The following DPYD variants were observed in gnomAD, a reference collection of about 807,000 sequenced individuals.
DPYD encodes dihydropyrimidine dehydrogenase [NADP(+)].
Under a neutral mutation model 116.2 loss-of-function variants are expected in DPYD, and 109 were observed. The observed-to-expected ratio is 0.94, with a 90% confidence interval of 0.80 to 1.10. The LOEUF (loss-of-function observed/expected upper bound fraction) is 1.10. DPYD is among the 50% of genes least tolerant of loss of function. The pLI is 0.00. For missense variants in DPYD, 1,302 were observed against 1,254.5 expected (o/e 1.04, Z -0.57); for synonymous variants, 440 against 432.0 (o/e 1.02, Z -0.23).
chr1:97,458,478 C>T (rs1472707901), intron 13 of DPYD, among the ~76,000 whole-genome samples: 1 of 152,076 alleles, frequency 6.6e-6, no homozygotes, highest in Non-Finnish European at 1.5e-5. Flanking sequence ...GAAATAAGCA[C>T]GAAGCAGAGA....
chr1:97,893,787 G>A (rs996448920), intron 1 of DPYD, among the ~76,000 whole-genome samples: 1 of 151,422 alleles, frequency 6.6e-6, no homozygotes, highest in Non-Finnish European at 1.5e-5. Flanking sequence ...GAAGCTCTTC[G>A]TCTGTCTTTG....
At chr1:97,514,288 T>C (rs144275479) in intron 13 of DPYD, 17,792 of 951,158 alleles carry the variant, frequency 0.019, 194 homozygotes, top group South Asian at 0.027. Context: ...ATGTCTCTGA[T>C]TAATCAGAAT....
Position 97,699,425 on chromosome 1 carries a change from A to G in DPYD, c.606T>C (p.Cys202=), listed in dbSNP as rs773991224. 9.3e-6 allele frequency: 15 copies of G among 1,613,776 alleles called. No individual in the cohort carries two copies. The highest frequency in any genetic ancestry group is 1.2e-5 in the Non-Finnish European group (14 of 1,179,738). The change falls in exon 6 of 23, where the codon TGT becomes TGC. Residue 202 remains cysteine (C), a synonymous_variant. Coordinates refer to ENST00000370192, the MANE Select transcript of DPYD (RefSeq NM_000110.4). ...LFGAGPASIS[C]ASFLARLGYS... The stretch of plus-strand genomic sequence containing the variant: ...ACCCCAATCGAGCCAAAAAGGAAGC[A>G]CAACTTATACTTGCAGGCCCAGCAC...
At chr1:97,116,484 G>A (rs944981673) in intron 20 of DPYD, among the ~76,000 whole-genome samples, 100 of 151,896 alleles carry the variant, frequency 6.6e-4, no homozygotes, top group African/African-American at 2.2e-3. Flanking sequence ...ACCAGCCTGG[G>A]CAACATGGTG....
At chr1:97,311,034 A>C (rs968143001) in intron 16 of DPYD, among the ~76,000 whole-genome samples, 1 of 151,770 alleles carries the variant, frequency 6.6e-6, no homozygotes, top group African/African-American at 2.4e-5. Context: ...AAGAGGAAAA[A>C]CCATGAGTAT....
rs1348555270 is a variant in DPYD at position 97,483,213 on chromosome 1, A to G, written c.1740+32513T>C. Among the ~76,000 whole-genome samples the G allele has an allele frequency of 2.0e-5, 3 of 152,216 alleles. No homozygotes were observed. In the East Asian group the frequency reaches 5.8e-4, roughly 29 times the overall value. On this transcript the variant is annotated intron_variant, in intron 13 of 22. Transcript: ENST00000370192. ...AGACTGCCCTGAAGGTATACTGCATACCTCTTAGCCTCAAATTTCCTTTGC... is the reference window on the plus strand; with the variant it reads ...AGACTGCCCTGAAGGTATACTGCATGCCTCTTAGCCTCAAATTTCCTTTGC...
intron 10 of DPYD, among the ~76,000 whole-genome samples, chr1:97,576,580 A>G (rs1250211946): frequency 6.6e-6 from 1 of 152,220 alleles, no homozygotes; most frequent in Non-Finnish European, 1.5e-5. Context: ...AAAGATTATT[A>G]ATCACTGAAT....
chr1:97,822,276 T>C (rs567889787), intron 3 of DPYD, among the ~76,000 whole-genome samples: 3 of 149,004 alleles, frequency 2.0e-5, no homozygotes, highest in East Asian at 1.9e-4. Flanking sequence ...TTTAAATATA[T>C]GTAAATCTGT....
chr1:97,902,060 TGA>T (rs1217546629), intron 1 of DPYD, among the ~76,000 whole-genome samples: 5 of 151,850 alleles, frequency 3.3e-5, no homozygotes, highest in African/African-American at 1.2e-4. Context: ...TTCAGCTTAC[TGA>T]GTATGATGAC....
chr1:97,630,831 A>AT (rs1486511102), intron 8 of DPYD, among the ~76,000 whole-genome samples: 2 of 152,090 alleles, frequency 1.3e-5, no homozygotes, highest in Non-Finnish European at 2.9e-5. Flanking sequence ...TTTTGCTACT[A>AT]TTTTTTGATA....
intron 12 of DPYD, among the ~76,000 whole-genome samples, chr1:97,530,369 C>G (rs942009071): frequency 2.0e-5 from 3 of 151,916 alleles, no homozygotes; most frequent in Non-Finnish European, 4.4e-5. Context: ...AGGCGCCCAC[C>G]ACCACGCCAG....
chr1:97,406,780 T>C (rs1478976936), intron 14 of DPYD, among the ~76,000 whole-genome samples: 1 of 152,184 alleles, frequency 6.6e-6, no homozygotes, highest in African/African-American at 2.4e-5. Flanking sequence ...GCATGTCTGG[T>C]ATTGATATTA....
chr1:97,215,048 A>G (rs1660283588), intron 19 of DPYD, among the ~76,000 whole-genome samples: 1 of 152,330 alleles, frequency 6.6e-6, no homozygotes, highest in Non-Finnish European at 1.5e-5. Context: ...AGCAGACTGG[A>G]TGATGATGAT....
intron 20 of DPYD, among the ~76,000 whole-genome samples, chr1:97,167,946 A>G (rs559799965): frequency 1.3e-5 from 2 of 152,058 alleles, no homozygotes; most frequent in Non-Finnish European, 2.9e-5. Flanking sequence ...GAGGTCAACT[A>G]CTCTCATTTA....
At chr1:97,823,973 C>T (rs1282005604) in intron 3 of DPYD, among the ~76,000 whole-genome samples, 1 of 146,202 alleles carries the variant, frequency 6.8e-6, no homozygotes, top group Non-Finnish European at 1.5e-5. Flanking sequence ...ATGTCCTGAA[C>T]TACTTGGGGT....
intron 18 of DPYD, among the ~76,000 whole-genome samples, chr1:97,303,961 CTTT>C (rs1667014131): frequency 3.3e-5 from 5 of 151,946 alleles, no homozygotes; most frequent in Non-Finnish European, 7.4e-5. Flanking sequence ...ACACAAAAGA[CTTT>C]TTCTAATGCT....
chr1:97,202,803 AAAT>A lies in DPYD; in HGVS notation c.2443-9558_2443-9556del, dbSNP rs1381755570. Among the ~76,000 whole-genome samples the A allele has an allele frequency of 9.2e-5, 14 of 152,324 alleles. No homozygotes were observed. The East Asian group carries it at 2.5e-3, about 27-fold the overall frequency. ...GATCTCAATAATGACTGCAACCAAG[AAAT>A]AATAATAAGAACCATACAGAGACAC... On this transcript the variant is annotated intron_variant, in intron 19 of 22. Coordinates refer to ENST00000370192, the MANE Select transcript of DPYD (RefSeq NM_000110.4).
chr1:97,655,374 T>C (rs1354398288), intron 8 of DPYD, among the ~76,000 whole-genome samples: 1 of 152,170 alleles, frequency 6.6e-6, no homozygotes, highest in Non-Finnish European at 1.5e-5. Flanking sequence ...GAAGCTTAGC[T>C]CTCCTACTCT....
Position 97,879,725 on chromosome 1 carries a change from C to T in DPYD, c.150+3539G>A, listed in dbSNP as rs1272076071. ...TCTTAAGGCACTTTTACCGGTCAAA[C>T]ACATGCTTATTTTCTAAGAAGCCTA... On this transcript the variant is annotated intron_variant, in intron 2 of 22. Coordinates refer to ENST00000370192, the MANE Select transcript of DPYD (RefSeq NM_000110.4). Among the ~76,000 whole-genome samples, 3 of 151,876 alleles carry T rather than the reference C, an allele frequency of 2.0e-5. 1 individual carries two copies. The highest frequency in any genetic ancestry group is 2.0e-4 in the Admixed American group (3 of 15,208).
Sources: gnomAD v4.1 joint callset for allele counts (sites outside exome capture counted in the v4.1 genomes callset) on GRCh38, gnomAD v4.1.1 for gene constraint, MANE v1.5 for transcripts, NCBI Gene and HGNC (gene_info 2026-07-23, HGNC 2026-07-21) for gene names.